RTN3: variants seen among roughly 807,000 people sequenced by gnomAD.
The protein encoded by RTN3 is reticulon-3.
Under a neutral mutation model 77.8 loss-of-function variants are expected in RTN3, and 49 were observed. The observed-to-expected ratio is 0.63, with a 90% CI of 0.50 to 0.80. RTN3 has a LOEUF of 0.80. RTN3 is among the 30% of genes least tolerant of loss of function. The probability of loss-of-function intolerance (pLI) is 0.00; values close to 1 mark genes in which losing one functional copy is unlikely to be tolerated. For missense variants in RTN3, 1,236 were observed against 1,211.9 expected (o/e 1.02, Z -0.29); for synonymous variants, 464 against 446.9 (o/e 1.04, Z -0.48).
In RTN3 at chr11:63,756,190, A is replaced by T; in HGVS notation, c.3053+20A>T. 1.3e-6 allele frequency: 2 copies of T among 1,554,544 alleles called. No individual in the cohort carries two copies. The highest frequency in any genetic ancestry group is 1.8e-6 in the Non-Finnish European group (2 of 1,125,702). On this transcript the variant is annotated intron_variant, in intron 8 of 8. Transcript: ENST00000377819. ...TGAAAAGTAAGTACATTTAGAGACC[A>T]CATCATCATGAGGTATGCTTCCTTC...
chr11:63,700,644 C>A (rs898292734), intron 1 of RTN3, among the ~76,000 whole-genome samples: 1 of 151,468 alleles, frequency 6.6e-6, no homozygotes, highest in African/African-American at 2.4e-5. Context: ...CACTTTGTCA[C>A]CCAGGCTGGA....
chr11:63,701,732 G>A (rs1942247329), intron 1 of RTN3, among the ~76,000 whole-genome samples: 1 of 152,104 alleles, frequency 6.6e-6, no homozygotes, highest in South Asian at 2.1e-4. Flanking sequence ...GACTGCTTGA[G>A]CCCAGGAGTT....
rs371777828 is a variant in RTN3, at chr11:63,718,967, T to C, written c.465T>C (p.Arg155=). The C allele has an allele frequency of 1.9e-5, 30 of 1,614,068 alleles. No homozygotes were observed. The highest frequency in any genetic ancestry group is 5.3e-5 in the African/African-American group (4 of 74,934). Residue 155 remains arginine (R), a synonymous_variant, in exon 3 of 9, where the codon CGT becomes CGC. Coordinates refer to ENST00000377819, the MANE Select transcript of RTN3 (RefSeq NM_001265589.2). ...VSLAAGVHCD[R]PSIPASFPEH... ...TTGCAGCAGGAGTTCATTGTGACCG[T>C]CCTTCTATTCCAGCCAGTTTCCCAG...
chr11:63,751,421 A>G (rs774383249), intron 4 of RTN3, among the ~76,000 whole-genome samples: 1 of 152,230 alleles, frequency 6.6e-6, no homozygotes, highest in Non-Finnish European at 1.5e-5. Context: ...TCTTCTGACT[A>G]CATTTCTAGT....
intron 1 of RTN3, among the ~76,000 whole-genome samples, chr11:63,682,508 C>T (rs1034744107): frequency 6.6e-6 from 1 of 151,854 alleles, no homozygotes; most frequent in African/African-American, 2.4e-5. Flanking sequence ...TTCCCTGGCG[C>T]TGCGTGGGGG....
In RTN3 at chr11:63,702,778, T is replaced by C. The variant is rs496346; in HGVS notation, c.143-2073T>C. ...TCGGCTCACTGCAAACTCCGCCTCC[T>C]GGGTTCACGCCATTCTCCTGCCTCA... On this transcript the variant is annotated intron_variant, in intron 1 of 8. Transcript: ENST00000377819. 6.6e-3 allele frequency among the ~76,000 whole-genome samples: 1,000 copies of C among 151,656 alleles called. 11 individuals carry two copies. The highest frequency in any genetic ancestry group is 0.023 in the African/African-American group (945 of 41,340).
At position 63,719,088 on chromosome 11, in the gene RTN3, A is replaced by G. The variant is rs1353633098; in HGVS notation, c.586A>G (p.Lys196Glu). 6.2e-7 allele frequency: 1 copy of G among 1,614,194 alleles called. No individual in the cohort carries two copies. The highest frequency in any genetic ancestry group is 2.2e-5 in the East Asian group (1 of 44,886). Residue 196 changes from lysine to glutamate, a missense_variant, in exon 3 of 9, where the codon AAA (lysine) becomes GAA (glutamate). Around this residue, in one of 3 missense-constraint regions of RTN3, gnomAD observed 1,056 missense variants for 990.4 expected, o/e 1.07. Coordinates refer to ENST00000377819, the MANE Select transcript of RTN3 (RefSeq NM_001265589.2). ...NPNGVSSREA[K>E]TALDADDRFT... ...AAATGGGGTATCAAGTAGGGAGGCTAAAACTGCATTGGATGCTGATGACAG... is the reference window on the plus strand; with the variant it reads ...AAATGGGGTATCAAGTAGGGAGGCTGAAACTGCATTGGATGCTGATGACAG...
intron 1 of RTN3, among the ~76,000 whole-genome samples, chr11:63,689,480 A>G (rs554670515): frequency 6.6e-6 from 1 of 152,284 alleles, no homozygotes; most frequent in East Asian, 1.9e-4. Context: ...TGAGTTTTGT[A>G]AGACATGTTA....
At chr11:63,691,114 CT>C (rs796809025) in intron 1 of RTN3, among the ~76,000 whole-genome samples, 326 of 91,904 alleles carry the variant, frequency 3.5e-3, no homozygotes, top group African/African-American at 7.7e-3. Context: ...ATTGCTAATT[CT>C]TTTTTTTTTT....
In RTN3 at chr11:63,699,428, C is replaced by G. The variant is rs557389722; in HGVS notation, c.143-5423C>G. Among the ~76,000 whole-genome samples the G allele has an allele frequency of 3.9e-5, 6 of 152,272 alleles. No individual in the cohort carries two copies. The East Asian group carries it at 1.2e-3, about 29-fold the overall frequency. On this transcript the variant is annotated intron_variant, in intron 1 of 8. Coordinates refer to ENST00000377819, the MANE Select transcript of RTN3 (RefSeq NM_001265589.2). ...GATGGTCTCAAGACCTGTCTTCTCT[C>G]TTGTCAGCAGTCCTCTCATTCCCAT...
chr11:63,722,430 A>C (rs2011888178), intron 3 of RTN3, among the ~76,000 whole-genome samples: 1 of 152,218 alleles, frequency 6.6e-6, no homozygotes, highest in South Asian at 2.1e-4. Context: ...TTAACCTTAC[A>C]ATGGTATTGT....
chr11:63,747,979 G>A (rs557149578), intron 3 of RTN3, among the ~76,000 whole-genome samples: 11 of 151,992 alleles, frequency 7.2e-5, no homozygotes, highest in Non-Finnish European at 1.6e-4. Context: ...AAGTCCTCTA[G>A]CTATTCATGG....
chr11:63,693,265 C>A (rs1015368957), intron 1 of RTN3, among the ~76,000 whole-genome samples: 1 of 152,118 alleles, frequency 6.6e-6, no homozygotes, highest in Non-Finnish European at 1.5e-5. Flanking sequence ...GAGCGGATCA[C>A]CTGAGGTCAG....
At chr11:63,741,907 A>G (rs746702248) in intron 3 of RTN3, among the ~76,000 whole-genome samples, 2 of 151,678 alleles carry the variant, frequency 1.3e-5, no homozygotes, top group Non-Finnish European at 2.9e-5. Context: ...CATCTTGATA[A>G]TGGTAGCTTT....
intron 1 of RTN3, 32 bp from the exon 2 acceptor site, chr11:63,704,819 G>A (rs760322262): frequency 1.6e-5 from 24 of 1,504,634 alleles, no homozygotes; most frequent in Non-Finnish European, 2.2e-5. Flanking sequence ...GTGTGAGGTT[G>A]TCATATTCTC....
At chr11:63,756,622 G>A (rs1404467324) in intron 8 of RTN3, among the ~76,000 whole-genome samples, 1 of 152,184 alleles carries the variant, frequency 6.6e-6, no homozygotes, top group Admixed American at 6.5e-5. Context: ...ATTTTTTGGA[G>A]ACAGGGTCTT....
At chr11:63,703,678 G>C (rs1003051615) in intron 1 of RTN3, among the ~76,000 whole-genome samples, 2 of 151,778 alleles carry the variant, frequency 1.3e-5, no homozygotes, top group Non-Finnish European at 2.9e-5. Flanking sequence ...GAGTAGCTGG[G>C]ACTACAGGCG....
At chr11:63,749,648 A>G (rs2013995405) in intron 3 of RTN3, among the ~76,000 whole-genome samples, 1 of 152,144 alleles carries the variant, frequency 6.6e-6, no homozygotes, top group Non-Finnish European at 1.5e-5. Flanking sequence ...TTATAATCCT[A>G]TCCTGAAACC....
chr11:63,724,383 C>T (rs1320972599), intron 3 of RTN3, among the ~76,000 whole-genome samples: 1 of 147,386 alleles, frequency 6.8e-6, no homozygotes. Context: ...CGGGGTTTCA[C>T]CATGTTAGCC....
Sources: gnomAD v4.1 joint callset for allele counts (sites outside exome capture counted in the v4.1 genomes callset) on GRCh38, gnomAD v4.1.1 for gene constraint, gnomAD v4.1.1 regional missense constraint, MANE v1.5 for transcripts, NCBI Gene and HGNC (gene_info 2026-07-23, HGNC 2026-07-21) for gene names.